Variants in QRSL1 observed in about 807,000 individuals in gnomAD.
The protein encoded by QRSL1 is glutaminyl-tRNA amidotransferase subunit QRSL1.
Under a neutral mutation model 61.6 loss-of-function variants are expected in QRSL1, and 54 were observed. The ratio of observed to expected loss-of-function variants is 0.88; its 90% CI spans 0.70 to 1.10. The LOEUF (loss-of-function observed/expected upper bound fraction) is 1.10, where lower values mean the gene tolerates loss of function less well. QRSL1 is among the 50% of genes least tolerant of loss of function. QRSL1 has a pLI of 0.00. For missense variants in QRSL1, 505 were observed against 622.6 expected (o/e 0.81, Z 2.01); for synonymous variants, 228 against 225.7 (o/e 1.01, Z -0.09).
chr6:106,629,832 G>C, intron 1 of QRSL1, 127 bp downstream of exon 1: 3 of 1,157,832 alleles, frequency 2.6e-6, no homozygotes, highest in Non-Finnish European at 2.5e-6. Flanking sequence ...AACTGAGTGG[G>C]GGATAAGTAC....
intron 9 of QRSL1, among the ~76,000 whole-genome samples, chr6:106,656,866 A>T (rs955503385): frequency 3.3e-5 from 5 of 152,178 alleles, no homozygotes; most frequent in Non-Finnish European, 2.9e-5. Context: ...CATGTTGCCC[A>T]GGCTGATCTC....
rs1777430719 is a variant in QRSL1, at chr6:106,666,163, T to G, written c.*161T>G. 1 of 614,168 alleles carries G rather than the reference T, an allele frequency of 1.6e-6. No homozygotes were observed. The highest frequency in any genetic ancestry group is 2.8e-6 in the Non-Finnish European group (1 of 354,668). The allele number at this position is 614,168 out of a possible 1,614,324, so 38.0% of individuals were successfully genotyped here. A position where few individuals can be genotyped will look rare whatever the true frequency, so the allele number is the denominator to read the frequency against. ...CCCGTCTCTACTAAAAATACAAAAATTAGCCAGGCTTAGTGGCGGGCATCT... is the reference window on the plus strand; with the variant it reads ...CCCGTCTCTACTAAAAATACAAAAAGTAGCCAGGCTTAGTGGCGGGCATCT... On this transcript the variant is annotated 3_prime_UTR_variant, in exon 11 of 11. Transcript: ENST00000369046.
intron 1 of QRSL1, among the ~76,000 whole-genome samples, chr6:106,639,111 GTTTTGTTGTTTTTTTT>G (rs1360243201): frequency 3.3e-5 from 2 of 60,750 alleles, no homozygotes; most frequent in African/African-American, 1.3e-4. Context: ...TTATTTGTGT[GTTTTGTTGTTTTTTTT>G]TTTTTTTTTT....
chr6:106,664,106 T>C (rs959175928), intron 10 of QRSL1, among the ~76,000 whole-genome samples: 3 of 152,246 alleles, frequency 2.0e-5, no homozygotes, highest in African/African-American at 7.2e-5. Context: ...ACTAACATGA[T>C]TGAAGAATAA....
At chr6:106,658,432 T>C (rs1777305313) in intron 9 of QRSL1, among the ~76,000 whole-genome samples, 1 of 152,174 alleles carries the variant, frequency 6.6e-6, no homozygotes, top group Non-Finnish European at 1.5e-5. Flanking sequence ...TACACTCCTG[T>C]AGTTACAGCT....
At chr6:106,652,741 C>T in intron 7 of QRSL1, 159 bp downstream of exon 7, 1 of 1,530,100 alleles carries the variant, frequency 6.5e-7, no homozygotes, top group Admixed American at 2.1e-5. Flanking sequence ...TCAATTTCCC[C>T]ATCTGTAAAA....
chr6:106,634,362 T>G (rs1369905511), intron 1 of QRSL1, among the ~76,000 whole-genome samples: 1 of 152,164 alleles, frequency 6.6e-6, no homozygotes, highest in Non-Finnish European at 1.5e-5. Flanking sequence ...CCAAGTGTAA[T>G]GGGAATCTTC....
chr6:106,646,483 C>G (rs9486432), intron 4 of QRSL1, among the ~76,000 whole-genome samples: 11,734 of 151,874 alleles, frequency 0.077, 542 homozygotes, highest in East Asian at 0.11. Flanking sequence ...AAAGTAAAAC[C>G]TAACATCATA....
intron 1 of QRSL1, among the ~76,000 whole-genome samples, chr6:106,637,801 A>C (rs60992370): frequency 0.089 from 13,495 of 152,214 alleles, 773 homozygotes; most frequent in African/African-American, 0.15. Flanking sequence ...GGAACTGTAT[A>C]TGTGATTTAT....
At chr6:106,647,484 G>C (rs918369884) in intron 4 of QRSL1, among the ~76,000 whole-genome samples, 1 of 147,982 alleles carries the variant, frequency 6.8e-6, no homozygotes, top group African/African-American at 2.5e-5. Flanking sequence ...ACTTGAAACC[G>C]GGAGGCGGAG....
chr6:106,651,560 A>G (rs1005571311), intron 5 of QRSL1, among the ~76,000 whole-genome samples: 1 of 152,200 alleles, frequency 6.6e-6, no homozygotes, highest in Non-Finnish European at 1.5e-5. Flanking sequence ...CACATAAGCA[A>G]AAATTTATGT....
At position 106,652,241 on chromosome 6, in the gene QRSL1, G is replaced by A. The variant is rs778638364; in HGVS notation, c.590G>A (p.Arg197Lys). ...GGATCAGATACAGGAGGATCGACCA[G>A]AAATCCTGCTGCCCACTGTGGGCTT... ...ALGSDTGGST[R>K]NPAAHCGLVG... Residue 197 changes from arginine to lysine, a missense_variant, in exon 6 of 11, where the codon AGA becomes AAA. Transcript: ENST00000369046. 1.1e-5 allele frequency: 17 copies of A among 1,613,984 alleles called. No homozygotes were observed. In the Admixed American group the frequency reaches 1.8e-4, roughly 17 times the overall value.
intron 4 of QRSL1, among the ~76,000 whole-genome samples, chr6:106,646,284 C>A (rs535343859): frequency 3.0e-4 from 45 of 152,128 alleles, no homozygotes; most frequent in Non-Finnish European, 5.3e-4. Context: ...GTGAAGTGGA[C>A]GTTATGTGCC....
In QRSL1 at chr6:106,652,506, T is replaced by C. The variant is rs766160251; in HGVS notation, c.773T>C (p.Val258Ala). 6.8e-6 allele frequency: 11 copies of C among 1,614,246 alleles called. No homozygotes were observed. In the Admixed American group the frequency reaches 8.3e-5, roughly 12 times the overall value. Residue 258 changes from valine (V) to alanine (A), a missense_variant, in exon 7 of 11, where the codon GTA becomes GCA. Val to Ala is a moderately conservative substitution (Grantham distance 64). Coordinates refer to ENST00000369046, the MANE Select transcript of QRSL1 (RefSeq NM_018292.5). ...CCTGACCCCAGGGACTCTACCACAG[T>C]ACATGAACCTATTAATAAACCATTC... ...AGPDPRDSTT[V>A]HEPINKPFML... is the part of the protein sequence containing the mutation.
intron 10 of QRSL1, among the ~76,000 whole-genome samples, chr6:106,663,546 G>A (rs1264885330): frequency 1.3e-5 from 2 of 152,172 alleles, no homozygotes; most frequent in African/African-American, 2.4e-5. Context: ...GAGAAAGGGG[G>A]AAGGTGCTAC....
Position 106,655,622 on chromosome 6 carries a change from A to G in QRSL1, c.1050A>G (p.Arg350=). 1 of 1,603,404 alleles carries G rather than the reference A, an allele frequency of 6.2e-7. No individual in the cohort carries two copies. The highest frequency in any genetic ancestry group is 8.5e-7 in the Non-Finnish European group (1 of 1,171,268). The change falls in exon 9 of 11, where the codon AGA becomes AGG. Residue 350 remains arginine (R), a synonymous_variant. Transcript: ENST00000369046. ...CCCTTTTCTTGTTTTCAGGTCACAG[A>G]TGTGACATTGATGTGTCCACTGAAG... ...ARFDGLQYGH[R]CDIDVSTEAM... is the part of the protein sequence containing the mutation.
Position 106,634,230 on chromosome 6 carries a change from A to G in QRSL1, c.24+4525A>G, listed in dbSNP as rs151175837. ...GCTTAACATGTTCAAGGAATAGCAAAAGGGCCAATATGCCTGGAGAGAAGT... is the reference window on the plus strand; with the variant it reads ...GCTTAACATGTTCAAGGAATAGCAAGAGGGCCAATATGCCTGGAGAGAAGT... On this transcript the variant is annotated intron_variant, in intron 1 of 10. Transcript: ENST00000369046. 3.4e-3 allele frequency among the ~76,000 whole-genome samples: 514 copies of G among 152,326 alleles called. 5 individuals are homozygous for G. Among genetic ancestry groups the G allele is most frequent in the African/African-American group, 0.012 (482 of 41,574 alleles).
chr6:106,654,932 C>G lies in QRSL1; in HGVS notation c.1042+10C>G, dbSNP rs199810672. 3 of 1,545,002 alleles carry G rather than the reference C, an allele frequency of 1.9e-6. No individual in the cohort carries two copies. The highest frequency in any genetic ancestry group is 2.6e-6 in the Non-Finnish European group (3 of 1,147,150). ...GATGGGCTACAATATGGTAAGATGG[C>G]TGGGTTATTTTATTTTTAAGGTAGT... On this transcript the variant is annotated intron_variant, in intron 8 of 10. Transcript: ENST00000369046.
intron 9 of QRSL1, among the ~76,000 whole-genome samples, chr6:106,660,852 T>C (rs1401303285): frequency 1.3e-5 from 2 of 152,136 alleles, no homozygotes; most frequent in Admixed American, 1.3e-4. Context: ...CATGGGGGGC[T>C]GAACTTTCCC....
Sources: allele counts gnomAD v4.1 joint callset (sites outside exome capture counted in the v4.1 genomes callset), GRCh38; gene constraint gnomAD v4.1.1; transcripts MANE v1.5; gene names NCBI Gene and HGNC (gene_info 2026-07-23, HGNC 2026-07-21).